GREB1: variants seen among roughly 807,000 people sequenced by gnomAD.
GREB1 encodes the protein growth regulating estrogen receptor binding 1.
A neutral mutation model predicts 200.7 loss-of-function variants in GREB1; 106 were observed. The ratio of observed to expected loss-of-function variants is 0.53; its 90% CI spans 0.45 to 0.62. The LOEUF (loss-of-function observed/expected upper bound fraction) is 0.62. GREB1 is among the 20% of genes least tolerant of loss of function. The pLI, the probability that GREB1 is intolerant of heterozygous loss-of-function variation, is 0.00. For missense variants in GREB1, 2,243 were observed against 2,556.8 expected (o/e 0.88, Z 2.65); for synonymous variants, 1,132 against 1,092.4 (o/e 1.04, Z -0.72).
Position 11,631,894 on chromosome 2 carries a change from A to T in GREB1, c.4612-15A>T. ...ATTTACAAACACTCTACCTCATGAT[A>T]CCTGTACTTTGCAGAGCCATGAATA... On this transcript the variant is annotated splice_polypyrimidine_tract_variant and intron_variant, in intron 26 of 32. Coordinates refer to ENST00000381486, the MANE Select transcript of GREB1 (RefSeq NM_014668.4). The T allele has an allele frequency of 1.3e-6, 2 of 1,596,456 alleles. No individual in the cohort carries two copies. The highest frequency in any genetic ancestry group is 2.2e-5 in the South Asian group (2 of 90,682).
chr2:11,628,147 G>A (rs1045266161), intron 25 of GREB1, among the ~76,000 whole-genome samples: 30 of 152,374 alleles, frequency 2.0e-4, no homozygotes, highest in African/African-American at 6.5e-4. Flanking sequence ...GTGGAGCCCA[G>A]TGTGGGCAGA....
chr2:11,601,879 C>T (rs1357260028), intron 16 of GREB1, among the ~76,000 whole-genome samples: 1 of 152,244 alleles, frequency 6.6e-6, no homozygotes, highest in Non-Finnish European at 1.5e-5. Context: ...TGACCCAGGC[C>T]ACTGGCTCCA....
intron 18 of GREB1, 77 bp downstream of exon 18, chr2:11,611,104 G>A: frequency 7.9e-7 from 1 of 1,270,964 alleles, no homozygotes; most frequent in South Asian, 1.5e-5. Flanking sequence ...GAGGCAGGGA[G>A]TGTCACGAAC....
intron 1 of GREB1, among the ~76,000 whole-genome samples, chr2:11,482,993 G>C (rs1002482546): frequency 2.6e-5 from 4 of 151,320 alleles, no homozygotes; most frequent in Non-Finnish European, 5.9e-5. Flanking sequence ...GCGGCAGCGG[G>C]CGGAGCGGGG....
intron 1 of GREB1, among the ~76,000 whole-genome samples, chr2:11,537,881 A>T (rs115420165): frequency 1.3e-5 from 2 of 151,950 alleles, no homozygotes; most frequent in Non-Finnish European, 2.9e-5. Flanking sequence ...CAGTAAATGT[A>T]TCTTGCTGAA....
chr2:11,498,907 TA>T (rs1166996589), intron 1 of GREB1, among the ~76,000 whole-genome samples: 1 of 152,256 alleles, frequency 6.6e-6, no homozygotes, highest in Non-Finnish European at 1.5e-5. Context: ...GCTGGCTGCT[TA>T]AAAACCTATG....
Position 11,616,079 on chromosome 2 carries a change from C to T in GREB1, c.3323-552C>T, listed in dbSNP as rs145699429. Among the ~76,000 whole-genome samples, 21 of 152,372 alleles carry T rather than the reference C, an allele frequency of 1.4e-4. No homozygotes were observed. The South Asian group carries it at 2.9e-3, about 21-fold the overall frequency. On this transcript the variant is annotated intron_variant, in intron 20 of 32. Transcript: ENST00000381486. Reference sequence around the variant, plus strand: ...CTTTCATTTGTGAGTATCTGCTGCACGTCTCCGTGCTCCCTGGCATCTCAG... The same window carrying T: ...CTTTCATTTGTGAGTATCTGCTGCATGTCTCCGTGCTCCCTGGCATCTCAG...
rs777215998 is a variant in GREB1, at chr2:11,576,389, G to T, written c.491G>T (p.Gly164Val). Reference sequence around the variant, plus strand: ...AATTGTGTTGGCTGTGGAAAGAAAGGCTTCTGTTACTTCACGGAATTCTCC... The same window carrying T: ...AATTGTGTTGGCTGTGGAAAGAAAGTCTTCTGTTACTTCACGGAATTCTCC... ...SGNCVGCGKK[G>V]FCYFTEFSNH... is the part of the protein sequence containing the mutation. Residue 164 changes from glycine (G) to valine (V), a missense_variant, in exon 5 of 33, where the codon GGC becomes GTC. Physicochemically the swap from Gly to Val is moderately radical, Grantham distance 109 (BLOSUM62 -3). This residue lies in a region of GREB1 where 1,178 missense variants were observed against 1,387.4 expected (regional missense o/e 0.85). Transcript: ENST00000381486. 7 of 1,613,882 alleles carry T rather than the reference G, an allele frequency of 4.3e-6. No individual in the cohort carries two copies. The East Asian group carries it at 1.3e-4, about 31-fold the overall frequency.
intron 1 of GREB1, among the ~76,000 whole-genome samples, chr2:11,484,986 C>A (rs1050828367): frequency 2.0e-5 from 3 of 152,116 alleles, no homozygotes; most frequent in African/African-American, 4.8e-5. Context: ...ACTACAGGCG[C>A]CCGCCACGGC....
intron 18 of GREB1, 177 bp from the exon 19 acceptor site, chr2:11,612,318 A>G (rs1683009715): frequency 4.4e-6 from 6 of 1,354,098 alleles, no homozygotes; most frequent in Non-Finnish European, 5.7e-6. Flanking sequence ...TAGCCGACTG[A>G]AAATACGGTG....
Position 11,641,789 on chromosome 2 carries a change from A to C in GREB1, c.*1335A>C, listed in dbSNP as rs1036964450. On this transcript the variant is annotated 3_prime_UTR_variant, in exon 33 of 33. Transcript: ENST00000381486. ...GCGTGAGCCACCGTGCCTGCCCCAGAATGGTTTTTAAAGCCACAGTTGAGA... is the reference window on the plus strand; with the variant it reads ...GCGTGAGCCACCGTGCCTGCCCCAGCATGGTTTTTAAAGCCACAGTTGAGA... 1 of 152,260 alleles carries C rather than the reference A, an allele frequency of 6.6e-6. No homozygotes were observed. The highest frequency in any genetic ancestry group is 2.4e-5 in the African/African-American group (1 of 41,396). The allele number at this position is 152,260 out of a possible 1,614,324, so 9.4% of individuals were successfully genotyped here.
chr2:11,571,499 C>T (rs996549782), intron 4 of GREB1, among the ~76,000 whole-genome samples: 7 of 152,182 alleles, frequency 4.6e-5, no homozygotes, highest in African/African-American at 1.4e-4. Context: ...TAAAGATGTA[C>T]GCGGTACCTG....
Position 11,615,266 on chromosome 2 carries a change from G to C in GREB1, c.3298G>C (p.Glu1100Gln). Residue 1100 changes from glutamate (E) to glutamine (Q), a missense_variant, in exon 20 of 33, where the codon GAG (glutamate) becomes CAG (glutamine). Around this residue, in one of 3 missense-constraint regions of GREB1, gnomAD observed 587 missense variants for 553.1 expected, o/e 1.06. Coordinates refer to ENST00000381486, the MANE Select transcript of GREB1 (RefSeq NM_014668.4). ...TGAGAAGCTGAGCAGCACAGACAAC[G>C]AGGATGAGGAGCTGGGGACAGAAGG... ...DAEKLSSTDN[E>Q]DEELGTEGST... is the part of the protein sequence containing the mutation. The C allele has an allele frequency of 6.3e-7, 1 of 1,597,666 alleles. No homozygotes were observed. Among genetic ancestry groups the C allele is most frequent in the Non-Finnish European group, 8.5e-7 (1 of 1,171,406 alleles).
intron 22 of GREB1, among the ~76,000 whole-genome samples, chr2:11,619,852 T>C (rs1160652483): frequency 1.3e-5 from 2 of 152,242 alleles, no homozygotes; most frequent in Non-Finnish European, 2.9e-5. Context: ...TTCCCTGTGG[T>C]TGGGTGTCAT....
At chr2:11,511,181 C>T (rs4669742) in intron 1 of GREB1, among the ~76,000 whole-genome samples, 81,641 of 151,870 alleles carry the variant, frequency 0.54, 22,179 homozygotes, top group East Asian at 0.73. Context: ...TCCTGGTGAA[C>T]GGCCATGGGT....
At chr2:11,509,501 G>A (rs571290703) in intron 1 of GREB1, among the ~76,000 whole-genome samples, 3 of 151,464 alleles carry the variant, frequency 2.0e-5, no homozygotes, top group South Asian at 2.1e-4. Context: ...CCACAATACC[G>A]TTATCACACC....
At chr2:11,620,496 T>C (rs1269288776) in intron 22 of GREB1, among the ~76,000 whole-genome samples, 3 of 152,198 alleles carry the variant, frequency 2.0e-5, no homozygotes, top group Non-Finnish European at 4.4e-5. Flanking sequence ...AGAAGCATTT[T>C]TTTTTTATGT....
intron 30 of GREB1, among the ~76,000 whole-genome samples, chr2:11,636,626 G>T (rs1685333407): frequency 6.6e-6 from 1 of 152,254 alleles, no homozygotes; most frequent in South Asian, 2.1e-4. Context: ...AAGGTGAAGT[G>T]TGTGTCGCGG....
At chr2:11,623,764 G>A (rs376815164) in intron 23 of GREB1, among the ~76,000 whole-genome samples, 2 of 152,002 alleles carry the variant, frequency 1.3e-5, no homozygotes, top group African/African-American at 4.8e-5. Context: ...GGTGGCACGC[G>A]CCTGTAATTT....
Sources: gnomAD v4.1 joint callset for allele counts (sites outside exome capture counted in the v4.1 genomes callset) on GRCh38, gnomAD v4.1.1 for gene constraint, gnomAD v4.1.1 regional missense constraint, MANE v1.5 for transcripts, NCBI Gene and HGNC (gene_info 2026-07-23, HGNC 2026-07-21) for gene names.